The following USH1C variants were observed in gnomAD, a reference collection of about 807,000 sequenced individuals.
USH1C encodes USH1 protein network component harmonin.
In USH1C, 90 loss-of-function variants were observed where a neutral mutation model predicts 119.3. The observed-to-expected ratio is 0.75, with a 90% CI of 0.64 to 0.90. The LOEUF is 0.90. Ranked by LOEUF, USH1C falls within the 40% of genes least tolerant of loss-of-function variation. The pLI is 0.00. For missense variants in USH1C, 1,165 were observed against 1,167.7 expected (o/e 1.00, Z 0.03); for synonymous variants, 465 against 443.3 (o/e 1.05, Z -0.62).
chr11:17,495,762 G>T, intron 25 of USH1C, 85 bp from the exon 26 acceptor site: 1 of 1,446,060 alleles, frequency 6.9e-7, no homozygotes, highest in Non-Finnish European at 9.7e-7. Context: ...CTTTCACTGG[G>T]CTCCTGCCTC....
At chr11:17,521,093 T>C in intron 13 of USH1C, 99 bp from the exon 14 acceptor site, 1 of 1,536,490 alleles carries the variant, frequency 6.5e-7, no homozygotes, top group Non-Finnish European at 9.0e-7. Flanking sequence ...AGAAGCCTCA[T>C]GGTTCTAGTC....
At chr11:17,499,476 G>A (rs1391396793) in intron 23 of USH1C, among the ~76,000 whole-genome samples, 1 of 152,208 alleles carries the variant, frequency 6.6e-6, no homozygotes, top group Admixed American at 6.5e-5. Context: ...GGGCAATAAG[G>A]CAGTGGTTGG....
At chr11:17,516,686 T>C (rs1850160235) in intron 14 of USH1C, 1 of 316,910 alleles carries the variant, frequency 3.2e-6, no homozygotes, top group Non-Finnish European at 6.1e-6. Context: ...GTCTGGTCCC[T>C]CCATACAAAA....
intron 5 of USH1C, 57 bp from the exon 6 acceptor site, chr11:17,527,097 C>T (rs1156559801): frequency 7.5e-6 from 10 of 1,332,754 alleles, no homozygotes; most frequent in South Asian, 6.1e-5. Context: ...TCCCTCCCAC[C>T]GTCATGGAGT....
Position 17,509,548 on chromosome 11 carries a change from G to A in USH1C, c.1821C>T (p.Pro607=). The change falls in exon 18 of 27, where the codon CCC becomes CCT. Residue 607 remains proline, a synonymous_variant. Coordinates refer to ENST00000005226, the MANE Select transcript of USH1C (RefSeq NM_153676.4). ...QRTPPPIPIP[P]PPSVPTQDLT... ...GGTCTTGGGTGGGAACGGATGGCGG[G>A]GGAGGGATGGGAATGGGGGGTGGAG... 1 of 1,600,746 alleles carries A rather than the reference G, an allele frequency of 6.2e-7. No individual in the cohort carries two copies. Among genetic ancestry groups the A allele is most frequent in the Non-Finnish European group, 8.5e-7 (1 of 1,172,176 alleles).
intron 1 of USH1C, among the ~76,000 whole-genome samples, chr11:17,536,872 G>A (rs1851250885): frequency 6.6e-6 from 1 of 152,232 alleles, no homozygotes; most frequent in African/African-American, 2.4e-5. Flanking sequence ...TCTGGTTTGT[G>A]TAGAATGCTC....
intron 1 of USH1C, among the ~76,000 whole-genome samples, chr11:17,539,387 C>T (rs1428474205): frequency 6.6e-6 from 1 of 152,178 alleles, no homozygotes; most frequent in Non-Finnish European, 1.5e-5. Context: ...CCTCTCTGTG[C>T]CTCAGTTTCC....
At chr11:17,533,437 G>T in intron 1 of USH1C, 115 bp from the exon 2 acceptor site, 1 of 784,810 alleles carries the variant, frequency 1.3e-6, no homozygotes, top group South Asian at 1.4e-5. Context: ...CAGGGCTGGA[G>T]TTGTGAGGAG....
At chr11:17,534,692 T>C (rs902818507) in intron 1 of USH1C, among the ~76,000 whole-genome samples, 5 of 152,048 alleles carry the variant, frequency 3.3e-5, no homozygotes, top group Non-Finnish European at 4.4e-5. Flanking sequence ...CTCGCTAACA[T>C]GGCAAAACCC....
intron 24 of USH1C, among the ~76,000 whole-genome samples, chr11:17,497,263 A>G (rs1302606229): frequency 6.6e-6 from 1 of 152,040 alleles, no homozygotes; most frequent in Non-Finnish European, 1.5e-5. Flanking sequence ...TAACACCTGA[A>G]TCCCTTTTAC....
intron 15 of USH1C, among the ~76,000 whole-genome samples, chr11:17,515,567 C>T (rs909244758): frequency 4.6e-5 from 7 of 152,176 alleles, no homozygotes; most frequent in Non-Finnish European, 8.8e-5. Flanking sequence ...CTCCAAATAC[C>T]AAGTCATCTC....
intron 14 of USH1C, among the ~76,000 whole-genome samples, chr11:17,518,440 C>A (rs933264409): frequency 5.3e-5 from 8 of 152,212 alleles, no homozygotes; most frequent in Non-Finnish European, 1.0e-4. Context: ...CCTTCAGCTA[C>A]CAGATCCTTA....
At chr11:17,516,403 A>T in intron 14 of USH1C, 113 bp from the exon 15 acceptor site, 1 of 1,075,216 alleles carries the variant, frequency 9.3e-7, no homozygotes, top group Non-Finnish European at 1.4e-6. Context: ...TGAGATAAAC[A>T]GCATTGGCAG....
intron 24 of USH1C, 60 bp from the exon 25 acceptor site, chr11:17,496,873 G>A (rs1379651064): frequency 1.9e-6 from 3 of 1,591,820 alleles, no homozygotes; most frequent in Non-Finnish European, 2.6e-6. Flanking sequence ...ATCTGCCCCG[G>A]CACTCCATCC....
chr11:17,501,636 C>A, intron 21 of USH1C, 101 bp from the exon 22 acceptor site: 1 of 1,355,020 alleles, frequency 7.4e-7, no homozygotes, highest in Non-Finnish European at 1.0e-6. Flanking sequence ...ACACTGGGCC[C>A]CACAGAGCAC....
At chr11:17,495,886 C>T (rs113559590) in intron 25 of USH1C, among the ~76,000 whole-genome samples, 24 of 151,528 alleles carry the variant, frequency 1.6e-4, no homozygotes, top group African/African-American at 5.6e-4. Flanking sequence ...GGCCCAGCCA[C>T]GACAGGGAGG....
chr11:17,544,176 C>A (rs2133973895), intron 1 of USH1C, 96 bp downstream of exon 1: 2 of 1,540,534 alleles, frequency 1.3e-6, no homozygotes, highest in Non-Finnish European at 9.0e-7. Flanking sequence ...CAGGTGGGGC[C>A]GGAAAAGGGA....
rs752518031 is a variant in USH1C, at chr11:17,501,376, G to A, written c.2280+106C>T. ...GGAGAGGGGAGGACAGTGGGGACCT[G>A]AGAGACCACCCAGGAGTGACCTTGA... On this transcript the variant is annotated intron_variant, in intron 22 of 26. Coordinates refer to ENST00000005226, the MANE Select transcript of USH1C (RefSeq NM_153676.4). 426 of 1,370,270 alleles carry A rather than the reference G, an allele frequency of 3.1e-4. 2 individuals are homozygous for A. Among genetic ancestry groups the A allele is most frequent in the Non-Finnish European group, 4.1e-4 (401 of 981,692 alleles). The allele number at this position is 1,370,270 out of a possible 1,614,324, so 84.9% of individuals were successfully genotyped here. A position where few individuals can be genotyped will look rare whatever the true frequency, so the allele number is the denominator to read the frequency against.
chr11:17,521,135 A>T lies in USH1C; in HGVS notation c.1086-141T>A, dbSNP rs973175639. 1.5e-5 allele frequency: 19 copies of T among 1,256,286 alleles called. No homozygotes were observed. The East Asian group carries it at 3.7e-4, about 25-fold the overall frequency. The allele number at this position is 1,256,286 out of a possible 1,614,324, so 77.8% of individuals were successfully genotyped here. The stretch of plus-strand genomic sequence containing the variant: ...AATCAAGCAAAGTCCCCGAGCTTGT[A>T]TTCTAAATTGAGTGTGAACCCCACC... On this transcript the variant is annotated intron_variant, in intron 13 of 26. Coordinates refer to ENST00000005226, the MANE Select transcript of USH1C (RefSeq NM_153676.4).
Sources: allele counts gnomAD v4.1 joint callset (sites outside exome capture counted in the v4.1 genomes callset), GRCh38; gene constraint gnomAD v4.1.1; transcripts MANE v1.5; gene names NCBI Gene and HGNC (gene_info 2026-07-23, HGNC 2026-07-21).